RAB22A: variants seen among roughly 807,000 people sequenced by gnomAD.
The protein encoded by RAB22A is RAB22A, member RAS oncogene family, also known as ras-related protein Rab-22A.
A neutral mutation model predicts 30.2 loss-of-function variants in RAB22A; 13 were observed. The ratio of observed to expected loss-of-function variants is 0.43; its 90% CI spans 0.28 to 0.68. The LOEUF (loss-of-function observed/expected upper bound fraction) is 0.68. RAB22A is among the 30% of genes least tolerant of loss of function. The probability of loss-of-function intolerance (pLI) is 0.18; values close to 1 mark genes in which losing one functional copy is unlikely to be tolerated. For synonymous variants in RAB22A, 89 were observed against 87.2 expected (o/e 1.02, Z -0.11); for missense variants, 177 against 246.8 (o/e 0.72, Z 1.89).
intron 6 of RAB22A, 87 bp from the exon 7 acceptor site, chr20:58,359,519 A>C: frequency 1.6e-6 from 1 of 614,248 alleles, no homozygotes; most frequent in Non-Finnish European, 2.5e-6. Context: ...TTTTTACTTC[A>C]GTGAAACCTG....
At chr20:58,334,107 G>A (rs963275723) in intron 2 of RAB22A, among the ~76,000 whole-genome samples, 1 of 152,064 alleles carries the variant, frequency 6.6e-6, no homozygotes, top group Admixed American at 6.5e-5. Flanking sequence ...GAGGCAGGTG[G>A]ATCACCTGAG....
intron 2 of RAB22A, among the ~76,000 whole-genome samples, chr20:58,341,433 G>A (rs1431264849): frequency 6.6e-6 from 1 of 152,180 alleles, no homozygotes; most frequent in Non-Finnish European, 1.5e-5. Context: ...TTTTCTGGGT[G>A]GTTGAGACAA....
intron 2 of RAB22A, among the ~76,000 whole-genome samples, chr20:58,322,249 C>T (rs1365552101): frequency 1.3e-5 from 2 of 152,186 alleles, no homozygotes; most frequent in Admixed American, 1.3e-4. Context: ...CATGCATTTA[C>T]ATTTAACCTA....
In RAB22A at chr20:58,365,967, C is replaced by T. The variant is rs1206198324; in HGVS notation, c.*6264C>T. 6.6e-6 allele frequency: 1 copy of T among 152,122 alleles called. No individual in the cohort carries two copies. Among genetic ancestry groups the T allele is most frequent in the Admixed American group, 6.6e-5 (1 of 15,256 alleles). 9.4% of individuals were successfully genotyped at this position (152,122 alleles called of 1,614,324 possible). The stretch of plus-strand genomic sequence containing the variant: ...CGTGAGTGGTGGCCCTATTTTTAAA[C>T]CATTCGTTACGCTGTGTAGACAGAG... On this transcript the variant is annotated 3_prime_UTR_variant, in exon 7 of 7. Coordinates refer to ENST00000244040, the MANE Select transcript of RAB22A (RefSeq NM_020673.3).
At chr20:58,359,468 T>G (rs1987187623) in intron 6 of RAB22A, 138 bp from the exon 7 acceptor site, 6 of 559,020 alleles carry the variant, frequency 1.1e-5, no homozygotes, top group Non-Finnish European at 1.8e-5. Context: ...AAATCTAAAA[T>G]TATTCGAGTA....
At chr20:58,342,675 C>A (rs1480033296) in intron 2 of RAB22A, among the ~76,000 whole-genome samples, 1 of 150,710 alleles carries the variant, frequency 6.6e-6, no homozygotes, top group Non-Finnish European at 1.5e-5. Context: ...AGTATAACTT[C>A]GTACTTGGTT....
chr20:58,311,215 G>A, intron 2 of RAB22A, 93 bp downstream of exon 2: 1 of 1,179,490 alleles, frequency 8.5e-7, no homozygotes, highest in South Asian at 1.2e-5. Context: ...GCGCTTTGTA[G>A]TCATTGAATT....
chr20:58,320,024 A>C lies in RAB22A; in HGVS notation c.116+8902A>C, dbSNP rs1281383353. 2.6e-5 allele frequency among the ~76,000 whole-genome samples: 4 copies of C among 152,088 alleles called. 1 individual carries two copies. Among genetic ancestry groups the C allele is most frequent in the Admixed American group, 2.6e-4 (4 of 15,276 alleles). ...TATTTTTTATATATTGCTGGATTTG[A>C]TTTACTAAAATTTTTTCAAGGATTT... is the stretch of plus-strand genomic sequence containing the variant. On this transcript the variant is annotated intron_variant, in intron 2 of 6. Transcript: ENST00000244040.
chr20:58,324,416 C>T (rs554529758), intron 2 of RAB22A, among the ~76,000 whole-genome samples: 4 of 151,954 alleles, frequency 2.6e-5, no homozygotes, highest in Non-Finnish European at 1.5e-5. Context: ...ATTAGTTTTG[C>T]CTTTGATCAA....
intron 2 of RAB22A, among the ~76,000 whole-genome samples, chr20:58,321,789 A>C (rs938473261): frequency 4.6e-5 from 7 of 152,148 alleles, no homozygotes; most frequent in African/African-American, 1.7e-4. Context: ...TATATCTCTT[A>C]AATGTATCTG....
intron 3 of RAB22A, among the ~76,000 whole-genome samples, chr20:58,351,963 A>C (rs994842924): frequency 6.6e-6 from 1 of 152,242 alleles, no homozygotes; most frequent in African/African-American, 2.4e-5. Context: ...ATATAAAAAC[A>C]AATAAAGAAT....
chr20:58,316,590 G>A (rs1986345225), intron 2 of RAB22A, among the ~76,000 whole-genome samples: 1 of 152,128 alleles, frequency 6.6e-6, no homozygotes, highest in Non-Finnish European at 1.5e-5. Flanking sequence ...TGTGTAGTGA[G>A]CCTATTGTGT....
chr20:58,343,714 A>G lies in RAB22A; in HGVS notation c.117-4A>G. On this transcript the variant is annotated splice_region_variant and splice_polypyrimidine_tract_variant and intron_variant, in intron 2 of 6. Coordinates refer to ENST00000244040, the MANE Select transcript of RAB22A (RefSeq NM_020673.3). ...ATTCTGATCATTTAGGTCTCTCTTT[A>G]TAGGGCATCTTTTATGACCAAGACT... The G allele has an allele frequency of 6.2e-7, 1 of 1,601,484 alleles. No homozygotes were observed. Among genetic ancestry groups the G allele is most frequent in the Admixed American group, 1.7e-5 (1 of 59,984 alleles).
At chr20:58,356,350 A>G (rs999213307) in intron 6 of RAB22A, among the ~76,000 whole-genome samples, 3 of 152,110 alleles carry the variant, frequency 2.0e-5, no homozygotes, top group Non-Finnish European at 4.4e-5. Flanking sequence ...CTATACCAAC[A>G]ATGAAAAGTC....
rs1987300033 is a variant in RAB22A, at chr20:58,365,568, G to A, written c.*5865G>A. 4 of 152,264 alleles carry A rather than the reference G, an allele frequency of 2.6e-5. No individual in the cohort carries two copies. Among genetic ancestry groups the A allele is most frequent in the Admixed American group, 1.3e-4 (2 of 15,296 alleles). 9.4% of individuals were successfully genotyped at this position (152,264 alleles called of 1,614,324 possible). A position where few individuals can be genotyped will look rare whatever the true frequency, so the allele number is the denominator to read the frequency against. ...TTAGAGTTTGTGAAACTGTCTTAAC[G>A]TGGCTCATACACGTGATGTCAGAGG... On this transcript the variant is annotated 3_prime_UTR_variant, in exon 7 of 7. Coordinates refer to ENST00000244040, the MANE Select transcript of RAB22A (RefSeq NM_020673.3).
intron 2 of RAB22A, among the ~76,000 whole-genome samples, chr20:58,319,379 G>T (rs945515491): frequency 7.2e-5 from 11 of 152,162 alleles, no homozygotes; most frequent in African/African-American, 2.7e-4. Context: ...GTGTATGGGT[G>T]TATTTCTGGA....
intron 1 of RAB22A, 56 bp from the exon 2 acceptor site, chr20:58,310,987 T>G: frequency 2.1e-6 from 3 of 1,421,294 alleles, no homozygotes; most frequent in Non-Finnish European, 3.0e-6. Context: ...AAAGTAGTTT[T>G]TGGTGTCTGC....
intron 6 of RAB22A, among the ~76,000 whole-genome samples, chr20:58,355,036 G>A (rs993947909): frequency 1.6e-4 from 24 of 152,236 alleles, no homozygotes; most frequent in African/African-American, 5.3e-4. Context: ...TATCAGAGCT[G>A]AGGTCCAAAG....
intron 2 of RAB22A, among the ~76,000 whole-genome samples, chr20:58,340,343 T>A (rs1193796613): frequency 6.6e-6 from 1 of 152,164 alleles, no homozygotes; most frequent in Non-Finnish European, 1.5e-5. Context: ...GGACACTGCT[T>A]GGGCGTACTC....
Sources: allele counts gnomAD v4.1 joint callset (sites outside exome capture counted in the v4.1 genomes callset), GRCh38; gene constraint gnomAD v4.1.1; transcripts MANE v1.5; gene names NCBI Gene and HGNC (gene_info 2026-07-23, HGNC 2026-07-21).